Variants in COL4A3 observed in about 807,000 individuals in gnomAD.
The protein encoded by COL4A3 is collagen alpha-3(IV) chain.
A neutral mutation model predicts 217.4 loss-of-function variants in COL4A3; 135 were observed. The observed-to-expected ratio is 0.62, with a 90% CI of 0.54 to 0.72. COL4A3 has a LOEUF of 0.72. Among genes scored for constraint, COL4A3 ranks in the 30% least tolerant of loss-of-function variants. The pLI is 0.00. For synonymous variants in COL4A3, 690 were observed against 736.3 expected (o/e 0.94, Z 1.02); for missense variants, 1,868 against 2,119.9 (o/e 0.88, Z 2.33).
chr2:227,290,963 C>A, intron 37 of COL4A3, 77 bp downstream of exon 37: 1 of 1,500,438 alleles, frequency 6.7e-7, no homozygotes, highest in Non-Finnish European at 9.0e-7. Context: ...TACCCAGATT[C>A]GGTGTGGGCA....
At position 227,310,925 on chromosome 2, in the gene COL4A3, A is replaced by G. The variant is rs2073717893; in HGVS notation, c.4905A>G (p.Ser1635=). 1 of 1,613,816 alleles carries G rather than the reference A, an allele frequency of 6.2e-7. No homozygotes were observed. Among genetic ancestry groups the G allele is most frequent in the East Asian group, 2.2e-5 (1 of 44,900 alleles). ...ATTCCTACAGTTTCTGGCTGGCTTC[A>G]TTAAACCCAGAAAGAATGTTCAGGT... ...YSNSYSFWLA[S]LNPERMFRKP... The change falls in exon 51 of 52, where the codon TCA becomes TCG. Residue 1635 remains serine, a synonymous_variant. Coordinates refer to ENST00000396578, the MANE Select transcript of COL4A3 (RefSeq NM_000091.5).
chr2:227,232,606 A>G (rs2068466317), intron 1 of COL4A3, among the ~76,000 whole-genome samples: 1 of 151,758 alleles, frequency 6.6e-6, no homozygotes. Context: ...TTTTGATTTG[A>G]ATTTCTCTGA....
At chr2:227,211,649 T>TTTTATTTATTTATTTATTTA (rs71036166) in intron 1 of COL4A3, among the ~76,000 whole-genome samples, 8,768 of 150,032 alleles carry the variant, frequency 0.058, 350 homozygotes, top group African/African-American at 0.1. Flanking sequence ...TCAGACTTGA[T>TTTTATTTATTTATTTATTTA]TTTATTTATT....
chr2:227,248,560 T>C, intron 9 of COL4A3, 40 bp downstream of exon 9: 1 of 1,364,152 alleles, frequency 7.3e-7, no homozygotes, highest in Non-Finnish European at 1.0e-6. Flanking sequence ...TTCTCAGTTT[T>C]TCACTCTCTC....
intron 34 of COL4A3, among the ~76,000 whole-genome samples, chr2:227,285,768 T>C (rs566706648): frequency 2.6e-5 from 4 of 152,364 alleles, no homozygotes; most frequent in African/African-American, 4.8e-5. Context: ...GCTATTTCTA[T>C]ACTTCCAACA....
chr2:227,290,185 G>A, intron 36 of COL4A3, 97 bp downstream of exon 36: 2 of 1,192,438 alleles, frequency 1.7e-6, no homozygotes, highest in South Asian at 2.5e-5. Context: ...CCACTTGGTA[G>A]AAAGCTTATA....
At chr2:227,185,312 G>C (rs965258676) in intron 1 of COL4A3, among the ~76,000 whole-genome samples, 1 of 152,170 alleles carries the variant, frequency 6.6e-6, no homozygotes, top group Non-Finnish European at 1.5e-5. Context: ...ATCAAACAAA[G>C]GATGGGTGGT....
intron 14 of COL4A3, 31 bp downstream of exon 14, chr2:227,254,205 AAC>A (rs777298290): frequency 1.7e-4 from 274 of 1,589,192 alleles, no homozygotes; most frequent in Non-Finnish European, 2.2e-4. Flanking sequence ...TTGTCCCCAT[AAC>A]ACATAAAGTA....
chr2:227,209,327 C>T (rs908298420), intron 1 of COL4A3, among the ~76,000 whole-genome samples: 2 of 152,232 alleles, frequency 1.3e-5, no homozygotes, highest in Non-Finnish European at 1.5e-5. Context: ...CCCTTCACTC[C>T]AGCCAGACTG....
At chr2:227,175,608 C>G (rs985413100) in intron 1 of COL4A3, among the ~76,000 whole-genome samples, 2 of 152,086 alleles carry the variant, frequency 1.3e-5, no homozygotes, top group African/African-American at 4.8e-5. Context: ...TATTTTGCTA[C>G]AGGTGAGGTG....
In COL4A3 at chr2:227,191,165, T is replaced by C. The variant is rs2066225884; in HGVS notation, c.87+26352T>C. Among the ~76,000 whole-genome samples the C allele has an allele frequency of 6.6e-6, 1 of 152,190 alleles. No individual in the cohort carries two copies. The highest frequency in any genetic ancestry group is 6.5e-5 in the Admixed American group (1 of 15,282). On this transcript the variant is annotated intron_variant, in intron 1 of 51. Transcript: ENST00000396578. The surrounding 1 kb of genome is among the most constrained non-coding windows in gnomAD (Gnocchi z 6.8). ...TTAAATTTTCTCAACCACTTTGCTC[T>C]TTTTGGATACTTGGGGAATAACAAA...
At chr2:227,188,537 T>C (rs1407540826) in intron 1 of COL4A3, among the ~76,000 whole-genome samples, 2 of 151,916 alleles carry the variant, frequency 1.3e-5, no homozygotes, top group African/African-American at 4.8e-5. Context: ...TTACAGCAGT[T>C]TGCTTAGAAA....
At chr2:227,277,322 G>GAAA in intron 27 of COL4A3, 127 bp from the exon 28 acceptor site, 4 of 546,758 alleles carry the variant, frequency 7.3e-6, no homozygotes, top group South Asian at 4.3e-5. Flanking sequence ...CCATCAACAG[G>GAAA]AAAAAAAAAA....
chr2:227,240,314 G>C (rs192066488), intron 3 of COL4A3, 82 bp downstream of exon 3: 1 of 1,335,162 alleles, frequency 7.5e-7, no homozygotes, highest in Non-Finnish European at 1.1e-6. Context: ...CAAACCTGGA[G>C]AGAATTCCAC....
intron 3 of COL4A3, among the ~76,000 whole-genome samples, chr2:227,241,850 T>C (rs538240646): frequency 6.6e-6 from 1 of 152,248 alleles, no homozygotes; most frequent in South Asian, 2.1e-4. Flanking sequence ...ATCATGACTG[T>C]GGTGATTTAC....
At chr2:227,206,695 A>G (rs1252746380) in intron 1 of COL4A3, among the ~76,000 whole-genome samples, 1 of 152,166 alleles carries the variant, frequency 6.6e-6, no homozygotes, top group Non-Finnish European at 1.5e-5. Flanking sequence ...TGTGTCTTAA[A>G]AAGACTCACA....
At chr2:227,210,451 G>GTA (rs1472678564) in intron 1 of COL4A3, among the ~76,000 whole-genome samples, 1 of 131,366 alleles carries the variant, frequency 7.6e-6, no homozygotes, top group African/African-American at 2.9e-5. Flanking sequence ...TTAGCCAAGT[G>GTA]TGGTGGCACG....
At chr2:227,169,460 C>T (rs950120961) in intron 1 of COL4A3, among the ~76,000 whole-genome samples, 10 of 150,724 alleles carry the variant, frequency 6.6e-5, no homozygotes, top group Admixed American at 1.3e-4. Context: ...CCTGAGGAAT[C>T]GCCACACTGA....
At chr2:227,220,180 CTTTTTTT>C (rs534893588) in intron 1 of COL4A3, among the ~76,000 whole-genome samples, 1 of 82,976 alleles carries the variant, frequency 1.2e-5, no homozygotes, top group African/African-American at 4.9e-5. Context: ...GAGACAAAGC[CTTTTTTT>C]TTTTTTTTTT....
Sources: gnomAD v4.1 joint callset for allele counts (sites outside exome capture counted in the v4.1 genomes callset) on GRCh38, gnomAD v4.1.1 for gene constraint, Gnocchi (gnomAD v3.1) non-coding constraint, MANE v1.5 for transcripts, NCBI Gene and HGNC (gene_info 2026-07-23, HGNC 2026-07-21) for gene names.